The following FBN2 variants were observed in gnomAD, a reference collection of about 807,000 sequenced individuals.
The protein encoded by FBN2 is fibrillin 2.
A neutral mutation model predicts 355.6 loss-of-function variants in FBN2; 105 were observed. The ratio of observed to expected loss-of-function variants is 0.30; its 90% confidence interval spans 0.25 to 0.35. The LOEUF (loss-of-function observed/expected upper bound fraction) is 0.35. Ranked by LOEUF, FBN2 falls within the 10% of genes least tolerant of loss-of-function variation. The pLI is 1.00. For synonymous variants in FBN2, 1,350 were observed against 1,301.2 expected, an observed-to-expected ratio of 1.04 and a Z score of -0.81; for missense variants, 3,280 against 3,758.7, an observed-to-expected ratio of 0.87 and a Z score of 3.33.
chr5:128,402,304 T>A (rs1271015978), intron 8 of FBN2, among the ~76,000 whole-genome samples: 1 of 152,200 alleles, frequency 6.6e-6, no homozygotes, highest in African/African-American at 2.4e-5. Context: ...GCTTGCTATA[T>A]GTTTAACTGT....
At chr5:128,501,841 TAA>T (rs1755824301) in intron 5 of FBN2, among the ~76,000 whole-genome samples, 1 of 151,534 alleles carries the variant, frequency 6.6e-6, no homozygotes, top group Non-Finnish European at 1.5e-5. Flanking sequence ...TCAAAAGAAG[TAA>T]AGAGTGGATA....
chr5:128,462,976 A>G (rs1226598115), intron 6 of FBN2, among the ~76,000 whole-genome samples: 1 of 152,150 alleles, frequency 6.6e-6, no homozygotes, highest in African/African-American at 2.4e-5. Context: ...GCAGTCATAG[A>G]GCTTACATTC....
chr5:128,368,420 G>GTGTATA (rs1554064122), intron 16 of FBN2, among the ~76,000 whole-genome samples: 1 of 124,508 alleles, frequency 8.0e-6, no homozygotes, highest in East Asian at 2.2e-4. Context: ...GTGTGTGTGT[G>GTGTATA]TATATATATA....
chr5:128,400,606 ATT>A (rs1581265098), intron 8 of FBN2, among the ~76,000 whole-genome samples: 1 of 152,362 alleles, frequency 6.6e-6, no homozygotes, highest in East Asian at 1.9e-4. Flanking sequence ...AAAATAAATC[ATT>A]TGTTAAACCA....
chr5:128,351,824 C>A (rs1751375524), intron 20 of FBN2, among the ~76,000 whole-genome samples: 1 of 151,704 alleles, frequency 6.6e-6, no homozygotes, highest in African/African-American at 2.4e-5. Flanking sequence ...CTTCAGCCTC[C>A]CAAAGTGTTA....
At chr5:128,360,512 CTG>C (rs1387566339) in intron 19 of FBN2, among the ~76,000 whole-genome samples, 2 of 152,054 alleles carry the variant, frequency 1.3e-5, no homozygotes, top group African/African-American at 4.8e-5. Flanking sequence ...ATAGGGGAAA[CTG>C]TCACCAGAAG....
At chr5:128,499,807 AGATGAAAACC>A in intron 5 of FBN2, among the ~76,000 whole-genome samples, 1 of 151,872 alleles carries the variant, frequency 6.6e-6, no homozygotes, top group Non-Finnish European at 1.5e-5. Flanking sequence ...TTTTTTTTTA[AGATGAAAACC>A]ATCTTGTTCA....
intron 42 of FBN2, 135 bp from the exon 43 acceptor site, chr5:128,306,083 T>C: frequency 1.2e-6 from 1 of 810,898 alleles, no homozygotes; most frequent in African/African-American, 1.7e-5. Context: ...TATACTAGTA[T>C]AGCTAATTTT....
chr5:128,441,089 G>C (rs1244105307), intron 7 of FBN2, among the ~76,000 whole-genome samples: 6 of 152,084 alleles, frequency 3.9e-5, no homozygotes, highest in African/African-American at 1.5e-4. Context: ...TGAAGAAACA[G>C]AAATGAAGGT....
intron 51 of FBN2, among the ~76,000 whole-genome samples, chr5:128,289,534 A>C: frequency 6.6e-6 from 1 of 152,168 alleles, no homozygotes; most frequent in South Asian, 2.1e-4. Context: ...GGTTGCAGTC[A>C]GCTGGATCGC....
At chr5:128,515,749 T>A (rs762151631) in intron 5 of FBN2, among the ~76,000 whole-genome samples, 8 of 151,806 alleles carry the variant, frequency 5.3e-5, no homozygotes, top group Non-Finnish European at 1.2e-4. Context: ...CTTTAAAATG[T>A]CAATAATTAA....
chr5:128,286,217 C>T (rs1749141455), intron 55 of FBN2, among the ~76,000 whole-genome samples: 1 of 152,080 alleles, frequency 6.6e-6, no homozygotes, highest in Admixed American at 6.6e-5. Flanking sequence ...TGAAAAGAAA[C>T]TAAAAAATCC....
At chr5:128,287,484 G>C in intron 53 of FBN2, 54 bp from the exon 54 acceptor site, 1 of 1,599,144 alleles carries the variant, frequency 6.3e-7, no homozygotes, top group Admixed American at 1.7e-5. Context: ...AATTATTTGT[G>C]TAACTAAATG....
chr5:128,451,555 C>T (rs1263753373), intron 6 of FBN2, among the ~76,000 whole-genome samples: 1 of 152,044 alleles, frequency 6.6e-6, no homozygotes, highest in Non-Finnish European at 1.5e-5. Flanking sequence ...CATGAGACAC[C>T]TCATCCGGCT....
intron 7 of FBN2, among the ~76,000 whole-genome samples, chr5:128,429,994 C>T (rs1425094005): frequency 6.6e-6 from 1 of 152,108 alleles, no homozygotes; most frequent in Non-Finnish European, 1.5e-5. Context: ...AACAAGAAAG[C>T]AACCTCTGAG....
intron 7 of FBN2, among the ~76,000 whole-genome samples, chr5:128,420,217 CTTTT>C (rs1312428122): frequency 5.3e-5 from 8 of 152,202 alleles, no homozygotes; most frequent in African/African-American, 1.7e-4. Context: ...ATTCCATGTT[CTTTT>C]TAACTGAATT....
At chr5:128,394,009 T>C (rs905000159) in intron 9 of FBN2, among the ~76,000 whole-genome samples, 3 of 152,186 alleles carry the variant, frequency 2.0e-5, no homozygotes, top group African/African-American at 7.2e-5. Context: ...ATTAATTATA[T>C]ACTACTAGTG....
At chr5:128,523,674 A>G (rs1756493821) in intron 4 of FBN2, among the ~76,000 whole-genome samples, 1 of 151,830 alleles carries the variant, frequency 6.6e-6, no homozygotes, top group Non-Finnish European at 1.5e-5. Flanking sequence ...TCCTTACCCA[A>G]CCCACTCCCT....
At chr5:128,337,868 G>A in intron 27 of FBN2, 129 bp downstream of exon 27, 6 of 962,234 alleles carry the variant, frequency 6.2e-6, no homozygotes, top group Non-Finnish European at 4.9e-6. Context: ...CCAGATGTAG[G>A]GAATCTCAAT....
Sources: gnomAD v4.1 joint callset for allele counts (sites outside exome capture counted in the v4.1 genomes callset) on GRCh38, gnomAD v4.1.1 for gene constraint, MANE v1.5 for transcripts, NCBI Gene and HGNC (gene_info 2026-07-23, HGNC 2026-07-21) for gene names.